Variants in ACACB observed in about 807,000 individuals in gnomAD.
The protein encoded by ACACB is acetyl-CoA carboxylase 2.
ACACB carries 209 observed loss-of-function variants against 278.8 expected under a neutral mutation model. The observed-to-expected ratio is 0.75, with a 90% CI of 0.67 to 0.84. ACACB has a LOEUF of 0.84. ACACB is among the 40% of genes least tolerant of loss of function. ACACB has a pLI of 0.00. For synonymous variants in ACACB, 1,174 were observed against 1,285.6 expected (o/e 0.91, Z 1.86); for missense variants, 2,850 against 3,269.0 (o/e 0.87, Z 3.13).
At chr12:109,249,021 TG>T (rs1379659317) in intron 40 of ACACB, 1 of 152,200 alleles carries the variant, frequency 6.6e-6, no homozygotes, top group East Asian at 1.9e-4. Flanking sequence ...TATCTTTGGT[TG>T]TATAAACCAA....
At chr12:109,250,970 G>T (rs1321555427) in intron 41 of ACACB, among the ~76,000 whole-genome samples, 1 of 152,118 alleles carries the variant, frequency 6.6e-6, no homozygotes, top group Non-Finnish European at 1.5e-5. Flanking sequence ...CTTGGGGTGG[G>T]CTGTCTGCAT....
In ACACB at chr12:109,245,768, T is replaced by G; in HGVS notation, c.5301+20T>G. ...AATGAGGTAATAGCTCAGCGGAGCCTAACCCCTGGCTGGAGTCACCCCCTT... is the reference window on the plus strand; with the variant it reads ...AATGAGGTAATAGCTCAGCGGAGCCGAACCCCTGGCTGGAGTCACCCCCTT... On this transcript the variant is annotated intron_variant, in intron 38 of 52. Transcript: ENST00000338432. The G allele has an allele frequency of 6.2e-7, 1 of 1,612,748 alleles. No individual in the cohort carries two copies. Among genetic ancestry groups the G allele is most frequent in the South Asian group, 1.1e-5 (1 of 90,794 alleles).
chr12:109,191,130 C>T (rs1392360570), intron 13 of ACACB, among the ~76,000 whole-genome samples: 1 of 152,068 alleles, frequency 6.6e-6, no homozygotes, highest in Non-Finnish European at 1.5e-5. Flanking sequence ...GTTCTCAAGT[C>T]ACTTGGCCAA....
chr12:109,244,962 G>T (rs944790323), intron 37 of ACACB, among the ~76,000 whole-genome samples: 2 of 152,134 alleles, frequency 1.3e-5, no homozygotes, highest in African/African-American at 4.8e-5. Flanking sequence ...CACTTTGGGA[G>T]GCTATGGTGG....
intron 15 of ACACB, 68 bp downstream of exon 15, chr12:109,192,018 C>A (rs528554845): frequency 1.3e-6 from 2 of 1,520,930 alleles, no homozygotes; most frequent in East Asian, 2.3e-5. Context: ...CTGAATCTGT[C>A]TCCTTTATTT....
At chr12:109,239,569 C>T (rs559052248) in intron 34 of ACACB, among the ~76,000 whole-genome samples, 5 of 152,282 alleles carry the variant, frequency 3.3e-5, no homozygotes, top group East Asian at 3.9e-4. Context: ...GGTTTGTGTC[C>T]CCAGGTATGA....
chr12:109,239,755 G>T, intron 34 of ACACB, 75 bp from the exon 35 acceptor site: 1 of 1,455,582 alleles, frequency 6.9e-7, no homozygotes. Flanking sequence ...TGCCTCTTTG[G>T]GGCTGAGTTT....
intron 20 of ACACB, among the ~76,000 whole-genome samples, chr12:109,207,339 C>T (rs112628066): frequency 1.6e-4 from 25 of 152,182 alleles, no homozygotes; most frequent in Non-Finnish European, 1.9e-4. Flanking sequence ...TCTCCTTGAT[C>T]GTAAACTGGG....
intron 2 of ACACB, among the ~76,000 whole-genome samples, chr12:109,162,062 T>C (rs12371563): frequency 0.81 from 121,985 of 151,220 alleles, 49,951 homozygotes; most frequent in Middle Eastern, 0.9. Flanking sequence ...CTGCAACCTC[T>C]GCCTCCCGGG....
In ACACB at chr12:109,167,532, G is replaced by A. The variant is rs890789937; in HGVS notation, c.787-364G>A. 6.0e-5 allele frequency among the ~76,000 whole-genome samples: 9 copies of A among 149,402 alleles called. No homozygotes were observed. The South Asian group carries it at 1.3e-3, about 21-fold the overall frequency. ...GAGGATCACTTGAAGCTGGAAGGTC[G>A]AAGCTGCAGTGAGCTGTGATTGCAC... On this transcript the variant is annotated intron_variant, in intron 3 of 52. Coordinates refer to ENST00000338432, the MANE Select transcript of ACACB (RefSeq NM_001093.4).
intron 13 of ACACB, among the ~76,000 whole-genome samples, chr12:109,189,349 A>G (rs1239102182): frequency 6.6e-6 from 1 of 152,182 alleles, no homozygotes; most frequent in Admixed American, 6.5e-5. Flanking sequence ...CTTGAAGTTT[A>G]TGGAAGATTG....
chr12:109,231,825 C>T (rs2046481398), intron 28 of ACACB, among the ~76,000 whole-genome samples: 1 of 152,184 alleles, frequency 6.6e-6, no homozygotes. Flanking sequence ...GTCTTCCAGC[C>T]CCGCACCAGG....
At chr12:109,218,349 A>T (rs2046063444) in intron 24 of ACACB, among the ~76,000 whole-genome samples, 1 of 151,286 alleles carries the variant, frequency 6.6e-6, no homozygotes, top group South Asian at 2.1e-4. Flanking sequence ...TTACAGACTC[A>T]CACCACCACG....
upstream of ACACB, among the ~76,000 whole-genome samples, chr12:109,115,087 G>A (rs966503944): frequency 6.6e-6 from 1 of 152,148 alleles, no homozygotes; most frequent in Non-Finnish European, 1.5e-5. Flanking sequence ...TGTATGTGTG[G>A]GTATGTCTAG....
chr12:109,262,949 A>AC (rs2047416816), intron 49 of ACACB: 4 of 18,748 alleles, frequency 2.1e-4, no homozygotes, highest in African/African-American at 3.8e-4. Flanking sequence ...CCTTTTTAAC[A>AC]TTATATATAT....
chr12:109,176,074 A>C, intron 8 of ACACB, 34 bp downstream of exon 8: 3 of 1,612,748 alleles, frequency 1.9e-6, no homozygotes, highest in South Asian at 2.2e-5. Context: ...CAGGGGAGCC[A>C]GAACCGAACT....
In ACACB at chr12:109,166,656, A is replaced by AAAAAAC. The variant is rs1178117438; in HGVS notation, c.654-200_654-199insCAAAAA. On this transcript the variant is annotated intron_variant, in intron 2 of 52. Transcript: ENST00000338432. ...CAGAATGAGATCCCGTCTCAAAAAA[A>AAAAAAC]AAAAAAAAAAAAAAAAAAAAACCGA... Among the ~76,000 whole-genome samples the AAAAAAC allele has an allele frequency of 6.0e-5, 8 of 133,246 alleles. 2 individuals are homozygous for AAAAAAC. The highest frequency in any genetic ancestry group is 9.9e-5 in the Non-Finnish European group (6 of 60,658). The allele number at this position is 133,246 out of a possible 152,430, so 87.4% of individuals were successfully genotyped here.
rs200332016 is a variant in ACACB at position 109,233,738 on chromosome 12, G to T, written c.4140-10G>T. ...GCCCCTCAGCCCTCCCTCTCTACCC[G>T]CACCCCCAGAAATTTTGATGAAGTC... On this transcript the variant is annotated splice_polypyrimidine_tract_variant and intron_variant, in intron 29 of 52. Coordinates refer to ENST00000338432, the MANE Select transcript of ACACB (RefSeq NM_001093.4). 5.6e-6 allele frequency: 9 copies of T among 1,612,508 alleles called. No homozygotes were observed. In the Admixed American group the frequency reaches 1.2e-4, roughly 21 times the overall value.
intron 1 of ACACB, among the ~76,000 whole-genome samples, chr12:109,131,199 G>A (rs1356198458): frequency 3.3e-5 from 5 of 152,174 alleles, no homozygotes; most frequent in Admixed American, 3.3e-4. Context: ...CCTTTGAAAT[G>A]GCTTAAATTT....
Sources: gnomAD v4.1 joint callset for allele counts (sites outside exome capture counted in the v4.1 genomes callset) on GRCh38, gnomAD v4.1.1 for gene constraint, MANE v1.5 for transcripts, NCBI Gene and HGNC (gene_info 2026-07-23, HGNC 2026-07-21) for gene names.